Variants in LRRC4C observed in about 807,000 individuals in gnomAD.
LRRC4C encodes the protein leucine rich repeat containing 4C, also known as leucine-rich repeat-containing protein 4C.
Under a neutral mutation model 33.6 loss-of-function variants are expected in LRRC4C, and 5 were observed. The ratio of observed to expected loss-of-function variants is 0.15; its 90% CI spans 0.08 to 0.31. LRRC4C has a LOEUF of 0.31. LRRC4C is among the 10% of genes least tolerant of loss of function. The pLI is 1.00. For missense variants in LRRC4C, 560 were observed against 796.7 expected (o/e 0.70, Z 3.58); for synonymous variants, 329 against 302.0 (o/e 1.09, Z -0.93).
At chr11:41,290,482 C>T (rs955273391) in intron 1 of LRRC4C, among the ~76,000 whole-genome samples, 1 of 152,174 alleles carries the variant, frequency 6.6e-6, no homozygotes, top group Admixed American at 6.5e-5. Flanking sequence ...TCCATCCATA[C>T]TTACTGCATA....
At chr11:41,168,197 T>C (rs1725704934) in intron 1 of LRRC4C, among the ~76,000 whole-genome samples, 1 of 152,210 alleles carries the variant, frequency 6.6e-6, no homozygotes, top group South Asian at 2.1e-4. Flanking sequence ...ATGTGGATAC[T>C]GAATGACCAC....
intron 5 of LRRC4C, among the ~76,000 whole-genome samples, chr11:40,186,836 G>T (rs1350219463): frequency 6.6e-6 from 1 of 152,122 alleles, no homozygotes; most frequent in Non-Finnish European, 1.5e-5. Flanking sequence ...GGATGGATTT[G>T]GTTTCCCCCT....
intron 1 of LRRC4C, among the ~76,000 whole-genome samples, chr11:41,217,640 A>T (rs1947116746): frequency 6.6e-6 from 1 of 152,208 alleles, no homozygotes. Context: ...TATTGGCTAT[A>T]GTGCCAAAAA....
chr11:41,021,156 T>TGAGAGAGAGA (rs71060991), intron 1 of LRRC4C, among the ~76,000 whole-genome samples: 3 of 127,090 alleles, frequency 2.4e-5, no homozygotes, highest in African/African-American at 6.2e-5. Flanking sequence ...ATCGTGCATC[T>TGAGAGAGAGA]GAGAGAGAGA....
chr11:40,751,068 C>A (rs1325222757), intron 2 of LRRC4C, among the ~76,000 whole-genome samples: 31 of 149,602 alleles, frequency 2.1e-4, no homozygotes, highest in Non-Finnish European at 7.5e-5. Context: ...AATTCCACCT[C>A]CCTTTATGAA....
chr11:41,013,935 A>T (rs1855396169), intron 1 of LRRC4C, among the ~76,000 whole-genome samples: 1 of 152,060 alleles, frequency 6.6e-6, no homozygotes, highest in Non-Finnish European at 1.5e-5. Context: ...ATCTTGAGAG[A>T]ACTCATTCAC....
chr11:40,462,272 A>T (rs1040924803), intron 3 of LRRC4C, among the ~76,000 whole-genome samples: 4 of 152,140 alleles, frequency 2.6e-5, no homozygotes, highest in African/African-American at 7.2e-5. Flanking sequence ...TACATCAATT[A>T]TCCATGGCAA....
chr11:41,400,351 T>C (rs573182220), intron 1 of LRRC4C, among the ~76,000 whole-genome samples: 1 of 151,980 alleles, frequency 6.6e-6, no homozygotes, highest in South Asian at 2.1e-4. Flanking sequence ...AAGTACTTAT[T>C]TTTCTCCTTA....
At chr11:41,332,180 A>C (rs1951315662) in intron 1 of LRRC4C, among the ~76,000 whole-genome samples, 1 of 152,266 alleles carries the variant, frequency 6.6e-6, no homozygotes. Context: ...TGAGGCATTT[A>C]GGATTAGAGC....
intron 2 of LRRC4C, among the ~76,000 whole-genome samples, chr11:40,737,631 G>A (rs1947949010): frequency 6.6e-6 from 1 of 151,858 alleles, no homozygotes; most frequent in Admixed American, 6.6e-5. Flanking sequence ...CTGCTACAGA[G>A]AGAATAAAAT....
intron 1 of LRRC4C, among the ~76,000 whole-genome samples, chr11:41,068,820 C>T (rs188975115): frequency 3.5e-4 from 53 of 152,218 alleles, no homozygotes; most frequent in Non-Finnish European, 6.0e-4. Flanking sequence ...GATGGATTAA[C>T]GGCCGAATTC....
intron 2 of LRRC4C, among the ~76,000 whole-genome samples, chr11:40,727,508 C>A (rs1444639034): frequency 6.6e-6 from 1 of 151,994 alleles, no homozygotes; most frequent in Non-Finnish European, 1.5e-5. Flanking sequence ...TCAACCTGAG[C>A]AAAGCATTTA....
chr11:40,180,271 C>G (rs894516532), intron 5 of LRRC4C, among the ~76,000 whole-genome samples: 2 of 152,188 alleles, frequency 1.3e-5, no homozygotes, highest in Non-Finnish European at 2.9e-5. Context: ...CAAAGCTATT[C>G]ACATCTGCAC....
chr11:41,152,373 C>A (rs1184932078), intron 1 of LRRC4C, among the ~76,000 whole-genome samples: 2 of 152,188 alleles, frequency 1.3e-5, no homozygotes, highest in Non-Finnish European at 2.9e-5. Flanking sequence ...AATCTGCTTT[C>A]TTGTGCTTAT....
At chr11:40,883,907 T>TTA (rs1955306297) in intron 2 of LRRC4C, among the ~76,000 whole-genome samples, 1 of 151,260 alleles carries the variant, frequency 6.6e-6, no homozygotes, top group African/African-American at 2.4e-5. Context: ...TTTTTTTTTT[T>TTA]AATTTTACTT....
chr11:41,088,043 A>C (rs1940133633), intron 1 of LRRC4C, among the ~76,000 whole-genome samples: 1 of 152,162 alleles, frequency 6.6e-6, no homozygotes, highest in Non-Finnish European at 1.5e-5. Context: ...GAAAGGATTT[A>C]TTATAAGGTT....
At chr11:41,094,088 G>T (rs1940636858) in intron 1 of LRRC4C, among the ~76,000 whole-genome samples, 1 of 151,516 alleles carries the variant, frequency 6.6e-6, no homozygotes, top group Middle Eastern at 3.5e-3. Context: ...CTGCACTCCA[G>T]CCTGGCGACA....
chr11:40,992,842 T>G (rs1423133500), intron 1 of LRRC4C, among the ~76,000 whole-genome samples: 1 of 152,198 alleles, frequency 6.6e-6, no homozygotes, highest in Non-Finnish European at 1.5e-5. Context: ...GTCAAATGTC[T>G]CTCTGAAATC....
chr11:40,564,839 T>A (rs1042758794), intron 3 of LRRC4C, among the ~76,000 whole-genome samples: 3 of 152,184 alleles, frequency 2.0e-5, no homozygotes, highest in Non-Finnish European at 2.9e-5. Flanking sequence ...GGTAATTGAC[T>A]GGCAAGAGAT....
Sources: gnomAD v4.1 joint callset for allele counts (sites outside exome capture counted in the v4.1 genomes callset) on GRCh38, gnomAD v4.1.1 for gene constraint, MANE v1.5 for transcripts, NCBI Gene and HGNC (gene_info 2026-07-23, HGNC 2026-07-21) for gene names.